ARHGAP17: variants seen among roughly 807,000 people sequenced by gnomAD.
ARHGAP17 encodes the protein rho GTPase-activating protein 17.
Under a neutral mutation model 99.5 loss-of-function variants are expected in ARHGAP17, and 57 were observed. The ratio of observed to expected loss-of-function variants is 0.57; its 90% confidence interval spans 0.46 to 0.71. ARHGAP17 has a LOEUF of 0.71. ARHGAP17 is among the 30% of genes least tolerant of loss of function. The pLI, the probability that ARHGAP17 is intolerant of heterozygous loss-of-function variation, is 0.00. For missense variants in ARHGAP17, 1,000 were observed against 1,122.4 expected (o/e 0.89, Z 1.56); for synonymous variants, 417 against 429.6 (o/e 0.97, Z 0.36).
At chr16:24,970,197 G>A (rs566844194) in intron 4 of ARHGAP17, among the ~76,000 whole-genome samples, 1 of 152,306 alleles carries the variant, frequency 6.6e-6, no homozygotes, top group Non-Finnish European at 1.5e-5. Flanking sequence ...GCCAACACCT[G>A]GAACACAGAA....
rs369068203 is a variant in ARHGAP17, at chr16:24,980,985, T to A, written c.54-1980A>T. Reference sequence around the variant, plus strand: ...CAACCTGAGAATCAGAACAAATATGTCCTTTTTCAGAGCAAATTATTTTTT... The same window carrying A: ...CAACCTGAGAATCAGAACAAATATGACCTTTTTCAGAGCAAATTATTTTTT... On this transcript the variant is annotated intron_variant, in intron 1 of 19. Transcript: ENST00000289968. 3.9e-5 allele frequency among the ~76,000 whole-genome samples: 6 copies of A among 152,288 alleles called. No individual in the cohort carries two copies. The South Asian group carries it at 1.2e-3, about 32-fold the overall frequency.
chr16:24,923,904 A>G (rs1326102223), intron 19 of ARHGAP17, among the ~76,000 whole-genome samples: 1 of 152,130 alleles, frequency 6.6e-6, no homozygotes, highest in Non-Finnish European at 1.5e-5. Flanking sequence ...TTTAAGAGCT[A>G]GAAGTGGAAT....
chr16:25,014,103 C>T (rs2053716219), intron 1 of ARHGAP17: 1 of 152,064 alleles, frequency 6.6e-6, no homozygotes, highest in African/African-American at 2.4e-5. Flanking sequence ...GGAAATGAAA[C>T]AGTAAAAAGC....
In ARHGAP17 at chr16:24,935,876, T is replaced by G. The variant is rs931680358; in HGVS notation, c.1725-237A>C. 1.6e-5 allele frequency: 8 copies of G among 505,334 alleles called. No homozygotes were observed. The South Asian group carries it at 1.6e-4, about 10-fold the overall frequency. 31.3% of individuals were successfully genotyped at this position (505,334 alleles called of 1,614,324 possible). A position where few individuals can be genotyped will look rare whatever the true frequency, so the allele number is the denominator to read the frequency against. On this transcript the variant is annotated intron_variant, in intron 17 of 19. Transcript: ENST00000289968. ...TTTAAGAGATGAGGTCTTGCTATGT[T>G]GCCCAGGTTGGTCTCAAATTTCTGG... is the stretch of plus-strand genomic sequence containing the variant.
At chr16:24,957,427 G>A (rs2051842422) in intron 9 of ARHGAP17, 1 of 152,274 alleles carries the variant, frequency 6.6e-6, no homozygotes, top group Non-Finnish European at 1.5e-5. Flanking sequence ...TGCAAGGACT[G>A]GACCTCAGAA....
intron 1 of ARHGAP17, among the ~76,000 whole-genome samples, chr16:24,992,310 C>T (rs531343155): frequency 2.6e-4 from 39 of 152,166 alleles, no homozygotes; most frequent in African/African-American, 8.9e-4. Flanking sequence ...GTCATCCTGG[C>T]CAATGACACA....
At chr16:24,920,403 C>G in intron 19 of ARHGAP17, 143 bp from the exon 20 acceptor site, 1 of 973,014 alleles carries the variant, frequency 1.0e-6, no homozygotes. Context: ...GCCTCATCAG[C>G]TCTTAGAAGC....
intron 12 of ARHGAP17, among the ~76,000 whole-genome samples, chr16:24,951,976 C>T (rs1454417974): frequency 6.6e-6 from 1 of 152,142 alleles, no homozygotes. Context: ...TGACCCCTAT[C>T]CCCAGTTACA....
At chr16:25,004,567 T>C (rs1471676928) in intron 1 of ARHGAP17, among the ~76,000 whole-genome samples, 2 of 152,252 alleles carry the variant, frequency 1.3e-5, no homozygotes, top group African/African-American at 4.8e-5. Context: ...CTTTTAATAA[T>C]TTCTGTACAT....
intron 6 of ARHGAP17, among the ~76,000 whole-genome samples, chr16:24,966,794 G>A (rs995941218): frequency 6.6e-6 from 1 of 152,128 alleles, no homozygotes. Flanking sequence ...ACATGACCAG[G>A]AGACTGTGGA....
At chr16:24,950,803 C>T (rs753438544) in intron 12 of ARHGAP17, among the ~76,000 whole-genome samples, 1 of 140,204 alleles carries the variant, frequency 7.1e-6, no homozygotes, top group Non-Finnish European at 1.5e-5. Context: ...TGCCACTGCA[C>T]TCCAGCCTGG....
chr16:24,986,478 T>G (rs2052875118), intron 1 of ARHGAP17, among the ~76,000 whole-genome samples: 1 of 152,112 alleles, frequency 6.6e-6, no homozygotes, highest in South Asian at 2.1e-4. Flanking sequence ...TTAAAATGAT[T>G]GGAAAAAAAC....
rs541314456 is a variant in ARHGAP17 at position 24,928,024 on chromosome 16, A to T, written c.2515+2760T>A. 5.9e-5 allele frequency among the ~76,000 whole-genome samples: 9 copies of T among 152,310 alleles called. No homozygotes were observed. The South Asian group carries it at 1.9e-3, about 32-fold the overall frequency. ...CTCTTTAAAACTCTAACTTAATCCA[A>T]TTCTAAAGGAATAACCTGTTTTCAG... On this transcript the variant is annotated intron_variant, in intron 19 of 19. Transcript: ENST00000289968.
Position 25,015,362 on chromosome 16 carries a change from G to T in ARHGAP17, c.-101C>A, listed in dbSNP as rs1005296512. 3.6e-6 allele frequency: 4 copies of T among 1,120,506 alleles called. No individual in the cohort carries two copies. The highest frequency in any genetic ancestry group is 3.4e-6 in the Non-Finnish European group (3 of 891,702). 69.4% of individuals were successfully genotyped at this position (1,120,506 alleles called of 1,614,324 possible). A position where few individuals can be genotyped will look rare whatever the true frequency, so the allele number is the denominator to read the frequency against. ...TTCCCGGCCCAAACGGCGGCGCGGCGGTGGCTCCCCGGGCCGGCGGCCCCG... is the reference window on the plus strand; with the variant it reads ...TTCCCGGCCCAAACGGCGGCGCGGCTGTGGCTCCCCGGGCCGGCGGCCCCG... On this transcript the variant is annotated 5_prime_UTR_variant, in exon 1 of 20. Transcript: ENST00000289968.
At chr16:24,932,386 A>G (rs749802425) in intron 18 of ARHGAP17, among the ~76,000 whole-genome samples, 4 of 152,192 alleles carry the variant, frequency 2.6e-5, no homozygotes, top group Non-Finnish European at 5.9e-5. Flanking sequence ...CTGTTAACAG[A>G]GGCCACCCCA....
At chr16:24,945,894 C>A (rs905309763) in intron 14 of ARHGAP17, among the ~76,000 whole-genome samples, 1 of 152,152 alleles carries the variant, frequency 6.6e-6, no homozygotes, top group Non-Finnish European at 1.5e-5. Flanking sequence ...TGCTGTGTGA[C>A]CTTAAGCAAA....
At chr16:24,971,617 C>A (rs373759718) in intron 3 of ARHGAP17, among the ~76,000 whole-genome samples, 3 of 152,298 alleles carry the variant, frequency 2.0e-5, no homozygotes, top group African/African-American at 7.2e-5. Flanking sequence ...CATGAGCCAC[C>A]GCACCCAGTC....
chr16:24,954,892 G>T, intron 9 of ARHGAP17, 162 bp from the exon 10 acceptor site: 1 of 1,038,306 alleles, frequency 9.6e-7, no homozygotes, highest in Non-Finnish European at 1.4e-6. Flanking sequence ...GCCATCTACT[G>T]GAGCAGCAAA....
intron 1 of ARHGAP17, among the ~76,000 whole-genome samples, chr16:24,981,016 A>G (rs2052659872): frequency 6.6e-6 from 1 of 152,250 alleles, no homozygotes; most frequent in Admixed American, 6.5e-5. Flanking sequence ...TTTTTAAAAA[A>G]TAACAGAAGA....
Sources: allele counts gnomAD v4.1 joint callset (sites outside exome capture counted in the v4.1 genomes callset), GRCh38; gene constraint gnomAD v4.1.1; transcripts MANE v1.5; gene names NCBI Gene and HGNC (gene_info 2026-07-23, HGNC 2026-07-21).